The following PCDH15 variants were observed in gnomAD, a reference collection of about 807,000 sequenced individuals.
The protein encoded by PCDH15 is protocadherin-15.
Under a neutral mutation model 178.5 loss-of-function variants are expected in PCDH15, and 129 were observed. That is an observed-to-expected ratio of 0.72 (90% CI 0.63 to 0.84). PCDH15 has a LOEUF of 0.84. Ranked by LOEUF, PCDH15 falls within the 40% of genes least tolerant of loss-of-function variation. PCDH15 has a pLI of 0.00. For missense variants in PCDH15, 2,230 were observed against 2,099.9 expected, an observed-to-expected ratio of 1.06 and a Z score of -1.21; for synonymous variants, 800 against 732.0, an observed-to-expected ratio of 1.09 and a Z score of -1.50.
At chr10:54,197,399 TCTC>T (rs781464525) in intron 10 of PCDH15, among the ~76,000 whole-genome samples, 13 of 152,192 alleles carry the variant, frequency 8.5e-5, no homozygotes, top group Middle Eastern at 3.4e-3. Flanking sequence ...TTCTGGAAAA[TCTC>T]CTCCAACTTT....
intron 3 of PCDH15, among the ~76,000 whole-genome samples, chr10:54,826,558 T>C (rs1230267966): frequency 6.6e-6 from 1 of 151,898 alleles, no homozygotes; most frequent in East Asian, 1.9e-4. Flanking sequence ...TATGTATATA[T>C]ATGTATGTAA....
At chr10:54,888,261 A>G (rs1954396830) in intron 3 of PCDH15, among the ~76,000 whole-genome samples, 1 of 152,090 alleles carries the variant, frequency 6.6e-6, no homozygotes, top group Non-Finnish European at 1.5e-5. Flanking sequence ...TGGGATTTCT[A>G]GACTTACATA....
chr10:54,111,295 C>T (rs2075503048), intron 15 of PCDH15, among the ~76,000 whole-genome samples: 1 of 152,052 alleles, frequency 6.6e-6, no homozygotes. Context: ...TATTAAAATA[C>T]CAGAAGCTAT....
rs77997028 is a variant in PCDH15 at position 54,482,148 on chromosome 10, A to G, written c.157+45664T>C. On this transcript the variant is annotated intron_variant, in intron 3 of 37. Transcript: ENST00000644397. ...ATTTTTGAGTTAAAAAAAGATAACAATTGAATATCATTTGAACTTCTAATA... is the reference window on the plus strand; with the variant it reads ...ATTTTTGAGTTAAAAAAAGATAACAGTTGAATATCATTTGAACTTCTAATA... Among the ~76,000 whole-genome samples the G allele has an allele frequency of 4.2e-3, 634 of 152,014 alleles. 19 individuals carry two copies. In the East Asian group the frequency reaches 0.067, roughly 16 times the overall value.
intron 2 of PCDH15, among the ~76,000 whole-genome samples, chr10:55,592,155 G>T (rs1842854283): frequency 6.6e-6 from 1 of 152,136 alleles, no homozygotes; most frequent in South Asian, 2.1e-4. Flanking sequence ...TATTGCGCCG[G>T]TATTTTTCAT....
At chr10:54,352,059 T>A (rs1394742004) in intron 5 of PCDH15, among the ~76,000 whole-genome samples, 1 of 152,204 alleles carries the variant, frequency 6.6e-6, no homozygotes, top group Non-Finnish European at 1.5e-5. Flanking sequence ...TCCACTGGCA[T>A]CAATATCATT....
intron 1 of PCDH15, among the ~76,000 whole-genome samples, chr10:54,708,401 C>T (rs2132320119): frequency 6.6e-6 from 1 of 152,190 alleles, no homozygotes; most frequent in African/African-American, 2.4e-5. Flanking sequence ...TATGCTGAAT[C>T]TTACAGAGTT....
At chr10:55,176,181 C>A (rs1270474425) in intron 1 of PCDH15, among the ~76,000 whole-genome samples, 1 of 152,092 alleles carries the variant, frequency 6.6e-6, no homozygotes, top group Non-Finnish European at 1.5e-5. Context: ...CTCTCCAATC[C>A]AGGCTTCTTC....
At chr10:53,960,708 T>C (rs957665566) in intron 22 of PCDH15, among the ~76,000 whole-genome samples, 9 of 152,316 alleles carry the variant, frequency 5.9e-5, no homozygotes, top group Non-Finnish European at 8.8e-5. Flanking sequence ...AGGATCATCC[T>C]GAGAGCCACA....
At chr10:54,747,329 C>T (rs1945600394) in intron 1 of PCDH15, among the ~76,000 whole-genome samples, 1 of 152,150 alleles carries the variant, frequency 6.6e-6, no homozygotes. Flanking sequence ...AACCCTTTCT[C>T]TATGCTTTCC....
intron 2 of PCDH15, among the ~76,000 whole-genome samples, chr10:55,337,582 GTAT>G (rs1554854439): frequency 6.6e-6 from 1 of 152,180 alleles, no homozygotes; most frequent in Non-Finnish European, 1.5e-5. Flanking sequence ...TATAAATTTT[GTAT>G]CAGGCATTCT....
At chr10:54,239,811 G>T (rs2055049628) in intron 8 of PCDH15, among the ~76,000 whole-genome samples, 1 of 151,858 alleles carries the variant, frequency 6.6e-6, no homozygotes, top group Non-Finnish European at 1.5e-5. Flanking sequence ...TTTTCCTTCT[G>T]CTACCATAAA....
At chr10:54,196,140 T>G (rs1423864537) in intron 10 of PCDH15, among the ~76,000 whole-genome samples, 1 of 152,118 alleles carries the variant, frequency 6.6e-6, no homozygotes, top group Non-Finnish European at 1.5e-5. Flanking sequence ...ATTATTATTT[T>G]ATTTTATGTT....
At chr10:54,397,222 T>C (rs1405674665) in intron 3 of PCDH15, among the ~76,000 whole-genome samples, 1 of 152,090 alleles carries the variant, frequency 6.6e-6, no homozygotes, top group Admixed American at 6.6e-5. Context: ...CAGCCACTTG[T>C]GAGTTTTATA....
At chr10:54,411,824 G>T (rs114131369) in intron 3 of PCDH15, among the ~76,000 whole-genome samples, 1 of 152,132 alleles carries the variant, frequency 6.6e-6, no homozygotes, top group South Asian at 2.1e-4. Flanking sequence ...ACTTGTCAGA[G>T]AGACTAATAC....
At chr10:54,391,929 T>C (rs1367991638) in intron 3 of PCDH15, among the ~76,000 whole-genome samples, 4 of 152,102 alleles carry the variant, frequency 2.6e-5, no homozygotes, top group South Asian at 2.1e-4. Context: ...TCGGGAGAAA[T>C]TGAGAGGAAA....
chr10:54,242,188 A>G (rs1286338144), intron 8 of PCDH15, among the ~76,000 whole-genome samples: 6 of 107,694 alleles, frequency 5.6e-5, no homozygotes, highest in Non-Finnish European at 1.1e-4. Context: ...ATATATATAT[A>G]CACACACACA....
At chr10:53,891,471 T>C (rs893673732) in intron 26 of PCDH15, among the ~76,000 whole-genome samples, 7 of 152,202 alleles carry the variant, frequency 4.6e-5, no homozygotes, top group African/African-American at 1.7e-4. Flanking sequence ...ATCTGAGAGA[T>C]ACAAAGACAT....
intron 2 of PCDH15, among the ~76,000 whole-genome samples, chr10:55,563,662 T>C (rs181484025): frequency 1.5e-3 from 216 of 147,460 alleles, no homozygotes; most frequent in African/African-American, 5.3e-3. Context: ...AAAGACTTGA[T>C]GGTAGATCTA....
Sources: allele counts gnomAD v4.1 joint callset (sites outside exome capture counted in the v4.1 genomes callset), GRCh38; gene constraint gnomAD v4.1.1; transcripts MANE v1.5; gene names NCBI Gene and HGNC (gene_info 2026-07-23, HGNC 2026-07-21).